Variants in OR3A2 observed in about 807,000 individuals in gnomAD.
OR3A2 encodes olfactory receptor family 3 subfamily A member 2, also known as olfactory receptor 3A2.
For synonymous variants in OR3A2, 126 were observed against 159.3 expected, an observed-to-expected ratio of 0.79 and a Z score of 1.57; for missense variants, 318 against 392.8, an observed-to-expected ratio of 0.81 and a Z score of 1.61.
intron 2 of OR3A2, among the ~76,000 whole-genome samples, chr17:3,351,077 A>G (rs950079148): frequency 1.3e-5 from 2 of 151,482 alleles, no homozygotes; most frequent in African/African-American, 4.8e-5. Context: ...AGCCAATATC[A>G]TACTGAATGG....
At chr17:3,343,374 T>C (rs1430783869) in intron 2 of OR3A2, among the ~76,000 whole-genome samples, 1 of 152,206 alleles carries the variant, frequency 6.6e-6, no homozygotes, top group Non-Finnish European at 1.5e-5. Flanking sequence ...GAGCTGTTCC[T>C]ATTCAGCCAT....
intron 3 of OR3A2, among the ~76,000 whole-genome samples, chr17:3,302,136 A>G (rs1323796528): frequency 1.3e-5 from 2 of 152,226 alleles, no homozygotes; most frequent in African/African-American, 4.8e-5. Context: ...CATGGATAGG[A>G]AGAATCAATA....
intron 2 of OR3A2, among the ~76,000 whole-genome samples, chr17:3,368,593 C>A (rs1432092238): frequency 1.3e-5 from 2 of 152,028 alleles, no homozygotes; most frequent in Non-Finnish European, 2.9e-5. Context: ...CATTGGTCTA[C>A]GTGTCTGTTT....
At chr17:3,367,755 T>C (rs1369266078) in intron 2 of OR3A2, among the ~76,000 whole-genome samples, 1 of 151,998 alleles carries the variant, frequency 6.6e-6, no homozygotes. Context: ...TTCCTCTGGG[T>C]AGATACCCAG....
chr17:3,326,643 G>C (rs1268265993), intron 3 of OR3A2, among the ~76,000 whole-genome samples: 1 of 149,030 alleles, frequency 6.7e-6, no homozygotes, highest in African/African-American at 2.5e-5. Context: ...ATGCTGGTGT[G>C]CTGCACCCAC....
At chr17:3,329,111 G>A (rs1031483147) in intron 3 of OR3A2, among the ~76,000 whole-genome samples, 2 of 151,730 alleles carry the variant, frequency 1.3e-5, no homozygotes, top group Admixed American at 1.3e-4. Context: ...GATTCAGTTT[G>A]CCAGTATTTT....
intron 2 of OR3A2, among the ~76,000 whole-genome samples, chr17:3,363,817 A>G (rs2049539912): frequency 6.6e-6 from 1 of 152,210 alleles, no homozygotes; most frequent in Admixed American, 6.5e-5. Flanking sequence ...ACTTACAATC[A>G]TGACAGAAGG....
At chr17:3,341,418 C>A (rs2049317617) in intron 2 of OR3A2, among the ~76,000 whole-genome samples, 1 of 152,066 alleles carries the variant, frequency 6.6e-6, no homozygotes, top group Non-Finnish European at 1.5e-5. Context: ...TTCCTTTCCA[C>A]GTTTAGTGTT....
At chr17:3,319,023 T>G (rs1231445562) in intron 3 of OR3A2, among the ~76,000 whole-genome samples, 1 of 152,288 alleles carries the variant, frequency 6.6e-6, no homozygotes, top group Non-Finnish European at 1.5e-5. Context: ...TTCAAGTATG[T>G]CTTAAACCTC....
intron 1 of OR3A2, among the ~76,000 whole-genome samples, chr17:3,281,264 T>C (rs1567540582): frequency 6.7e-6 from 1 of 148,714 alleles, no homozygotes; most frequent in Non-Finnish European, 1.5e-5. Flanking sequence ...AGATGGAGTC[T>C]CCCTCTGTCA....
chr17:3,375,728 G>A (rs2049677805), intron 2 of OR3A2, among the ~76,000 whole-genome samples: 1 of 152,170 alleles, frequency 6.6e-6, no homozygotes, highest in Admixed American at 6.5e-5. Context: ...TGGGTAGACT[G>A]TTTTAGTGGA....
chr17:3,372,816 AAGAGGG>A (rs966117472), intron 2 of OR3A2, among the ~76,000 whole-genome samples: 2 of 134,724 alleles, frequency 1.5e-5, no homozygotes, highest in African/African-American at 5.5e-5. Flanking sequence ...AGACCATGGA[AAGAGGG>A]AGAGGGAGAG....
chr17:3,363,120 G>T (rs1164641421), intron 2 of OR3A2, among the ~76,000 whole-genome samples: 4 of 151,828 alleles, frequency 2.6e-5, no homozygotes, highest in Non-Finnish European at 4.4e-5. Context: ...TTTCCCCATT[G>T]TCTTGGCTCC....
chr17:3,362,153 A>C (rs1336907598), intron 2 of OR3A2, among the ~76,000 whole-genome samples: 1 of 151,592 alleles, frequency 6.6e-6, no homozygotes, highest in Non-Finnish European at 1.5e-5. Flanking sequence ...GGGAGGGTGT[A>C]TGTGTTGAGG....
rs2049519611 is a variant in OR3A2 at position 3,361,863 on chromosome 17, T to G, written c.-179+21941A>C. Among the ~76,000 whole-genome samples, 2 of 151,620 alleles carry G rather than the reference T, an allele frequency of 1.3e-5. 1 individual carries two copies. Among genetic ancestry groups the G allele is most frequent in the African/African-American group, 4.9e-5 (2 of 40,896 alleles). ...TTGCATTGATGTTCATCAGGGATAT[T>G]GGTCTAAAATTCTCTTTTTTTGTTG... On this transcript the variant is annotated intron_variant, in intron 2 of 4. Coordinates refer to the OR3A2 transcript ENST00000573491.
intron 2 of OR3A2, among the ~76,000 whole-genome samples, chr17:3,372,853 G>GGGAGA (rs2049643675): frequency 0.015 from 266 of 18,270 alleles, 8 homozygotes; most frequent in Middle Eastern, 0.041. Context: ...GAGAAGGAGA[G>GGGAGA]GGAGAGGGAG....
chr17:3,276,854 A>C (rs1463411420), downstream of OR3A2: 1 of 152,072 alleles, frequency 6.6e-6, no homozygotes, highest in Non-Finnish European at 1.5e-5. Flanking sequence ...ATATGTATGA[A>C]CGTAGTTTTA....
At chr17:3,291,366 T>C in intron 3 of OR3A2, 1 of 350,928 alleles carries the variant, frequency 2.8e-6, no homozygotes, top group Admixed American at 4.2e-5. Flanking sequence ...CACTCACAGC[T>C]TCCTAGGTTT....
chr17:3,377,527 A>G (rs1448827601), intron 2 of OR3A2: 1 of 152,134 alleles, frequency 6.6e-6, no homozygotes, highest in Non-Finnish European at 1.5e-5. Context: ...TTTATCCCCG[A>G]AGACTCCTTC....
Sources: allele counts gnomAD v4.1 joint callset (sites outside exome capture counted in the v4.1 genomes callset), GRCh38; gene constraint gnomAD v4.1.1; transcripts MANE v1.5; gene names NCBI Gene and HGNC (gene_info 2026-07-23, HGNC 2026-07-21).